Variants in TTC28 observed in about 807,000 individuals in gnomAD.
TTC28 encodes tetratricopeptide repeat domain 28.
A neutral mutation model predicts 198.0 loss-of-function variants in TTC28; 61 were observed. The ratio of observed to expected loss-of-function variants is 0.31; its 90% CI spans 0.25 to 0.38. TTC28 has a LOEUF of 0.38. TTC28 is among the 10% of genes least tolerant of loss of function. The pLI is 1.00. For missense variants in TTC28, 2,678 were observed against 3,164.0 expected (o/e 0.85, Z 3.69); for synonymous variants, 1,171 against 1,297.8 (o/e 0.90, Z 2.10).
chr22:28,343,455 G>A (rs188513116), intron 2 of TTC28, among the ~76,000 whole-genome samples: 75 of 151,980 alleles, frequency 4.9e-4, no homozygotes, highest in African/African-American at 1.4e-3. Flanking sequence ...ACTTGAACCC[G>A]GGAGGTGGAG....
chr22:28,349,446 C>A (rs134504), intron 2 of TTC28, among the ~76,000 whole-genome samples: 149,099 of 152,342 alleles, frequency 0.98, 72,959 homozygotes, highest in East Asian at 0.99. Flanking sequence ...TCCATTACCA[C>A]GACTGAACAA....
chr22:28,590,973 T>A (rs1205088922), intron 2 of TTC28, among the ~76,000 whole-genome samples: 1 of 137,004 alleles, frequency 7.3e-6, no homozygotes, highest in Non-Finnish European at 1.5e-5. Flanking sequence ...ACCACTGCAC[T>A]TCAGCCTGGG....
At chr22:28,669,487 G>A (rs1035736625) in intron 1 of TTC28, among the ~76,000 whole-genome samples, 19 of 151,948 alleles carry the variant, frequency 1.3e-4, no homozygotes, top group African/African-American at 2.2e-4. Flanking sequence ...CTAAGTACCC[G>A]GCCTTATTAA....
At chr22:27,992,487 C>G in intron 19 of TTC28, 100 bp downstream of exon 19, 1 of 1,204,408 alleles carries the variant, frequency 8.3e-7, no homozygotes, top group Non-Finnish European at 1.2e-6. Flanking sequence ...GGCGGTGAGA[C>G]TGCATTCACT....
chr22:28,347,893 C>T (rs2045933246), intron 2 of TTC28, among the ~76,000 whole-genome samples: 1 of 152,232 alleles, frequency 6.6e-6, no homozygotes, highest in African/African-American at 2.4e-5. Context: ...AGAACAGCAC[C>T]TACGCTGTCT....
At chr22:28,181,166 A>G (rs1239993264) in intron 5 of TTC28, among the ~76,000 whole-genome samples, 1 of 152,236 alleles carries the variant, frequency 6.6e-6, no homozygotes, top group East Asian at 1.9e-4. Context: ...TCAAAATTAT[A>G]TTAGGGTTGG....
intron 8 of TTC28, among the ~76,000 whole-genome samples, chr22:28,103,960 A>G (rs1009592120): frequency 2.0e-5 from 3 of 152,234 alleles, no homozygotes; most frequent in Non-Finnish European, 4.4e-5. Context: ...CATTTAATGC[A>G]TAGAGGCAGA....
At chr22:28,192,467 G>T (rs954862850) in intron 5 of TTC28, among the ~76,000 whole-genome samples, 6 of 152,132 alleles carry the variant, frequency 3.9e-5, no homozygotes, top group African/African-American at 1.2e-4. Flanking sequence ...GAGAGAAGAA[G>T]TTTTCACACG....
chr22:28,595,729 T>C (rs1353873409), intron 2 of TTC28, among the ~76,000 whole-genome samples: 1 of 152,148 alleles, frequency 6.6e-6, no homozygotes, highest in Admixed American at 6.5e-5. Context: ...ATCCAGACCA[T>C]CCTGGCCAAC....
At chr22:28,204,516 G>T (rs979617184) in intron 5 of TTC28, among the ~76,000 whole-genome samples, 1 of 152,016 alleles carries the variant, frequency 6.6e-6, no homozygotes, top group Non-Finnish European at 1.5e-5. Flanking sequence ...TTCAAATCCA[G>T]CTCCATCTAA....
At chr22:28,528,375 T>C (rs1439979013) in intron 2 of TTC28, among the ~76,000 whole-genome samples, 2 of 152,028 alleles carry the variant, frequency 1.3e-5, no homozygotes, top group Non-Finnish European at 2.9e-5. Flanking sequence ...TACTTCTCAG[T>C]AGATCGTTAA....
Position 28,030,286 on chromosome 22 carries a change from T to G in TTC28, c.4013A>C (p.Asn1338Thr). The change falls in exon 13 of 23, where the codon AAC becomes ACC. Residue 1338 changes from asparagine (N) to threonine (T), a missense_variant. Physicochemically the swap from Asn to Thr is moderately conservative, Grantham distance 65. Coordinates refer to ENST00000397906, the MANE Select transcript of TTC28 (RefSeq NM_001145418.2). ...AAAGCCAGTGGGGTCAGTGACCGAG[T>G]TGAGTTTGTTGTTCATCTCTTCAAA... ...QQFEEMNNKL[N>T]SVTDPTGFLR... The G allele has an allele frequency of 6.4e-7, 1 of 1,551,670 alleles. No homozygotes were observed. The highest frequency in any genetic ancestry group is 8.7e-7 in the Non-Finnish European group (1 of 1,146,980).
intron 5 of TTC28, among the ~76,000 whole-genome samples, chr22:28,193,016 A>C (rs944939426): frequency 6.6e-6 from 1 of 152,234 alleles, no homozygotes; most frequent in Non-Finnish European, 1.5e-5. Context: ...AAACGAAGGA[A>C]AAAATGCTAA....
chr22:28,100,262 T>C (rs925636489), intron 9 of TTC28, among the ~76,000 whole-genome samples: 1 of 152,234 alleles, frequency 6.6e-6, no homozygotes, highest in African/African-American at 2.4e-5. Flanking sequence ...AATGTGTTCC[T>C]AACTCTGCCA....
At chr22:28,543,812 T>C (rs1289873421) in intron 2 of TTC28, among the ~76,000 whole-genome samples, 4 of 152,330 alleles carry the variant, frequency 2.6e-5, no homozygotes, top group South Asian at 4.1e-4. Flanking sequence ...CAAACCAGTA[T>C]CTTTAATGAA....
chr22:28,648,618 G>C (rs2051515956), intron 1 of TTC28, among the ~76,000 whole-genome samples: 1 of 152,192 alleles, frequency 6.6e-6, no homozygotes. Flanking sequence ...AGGGAAAAAA[G>C]AAAATGTGGG....
chr22:27,982,745 G>T lies in TTC28; in HGVS notation c.6922C>A (p.Pro2308Thr). 1.9e-6 allele frequency: 3 copies of T among 1,551,402 alleles called. No individual in the cohort carries two copies. The highest frequency in any genetic ancestry group is 1.7e-6 in the Non-Finnish European group (2 of 1,146,826). The change falls in exon 23 of 23, where the codon CCA becomes ACA. Residue 2308 changes from proline (P) to threonine (T), a missense_variant. By Grantham distance (38) the Pro-to-Thr change is conservative. Coordinates refer to ENST00000397906, the MANE Select transcript of TTC28 (RefSeq NM_001145418.2). This position sits in a 1 kb window ranked among gnomAD's most constrained non-coding sequence, Gnocchi z 5.2. Reference sequence around the variant, plus strand: ...GCAGGAGACTGGTGGCCGGAGCTTGGGGACATGTTCCTTGGTGATTTGGAA... The same window carrying T: ...GCAGGAGACTGGTGGCCGGAGCTTGTGGACATGTTCCTTGGTGATTTGGAA... ...HISKSPRNMS[P>T]SSGHQSPAGS...
At chr22:28,335,858 A>G (rs558457550) in intron 2 of TTC28, among the ~76,000 whole-genome samples, 1 of 152,224 alleles carries the variant, frequency 6.6e-6, no homozygotes, top group Non-Finnish European at 1.5e-5. Flanking sequence ...TGCCCTGGCC[A>G]GAACTTCCAA....
chr22:27,983,535 C>T lies in TTC28; in HGVS notation c.6132G>A (p.Gln2044=). The change falls in exon 23 of 23, where the codon CAG becomes CAA. Residue 2044 remains glutamine, a synonymous_variant. Transcript: ENST00000397906. ...STLPRSQLPP[Q]TRPAGNKDEE... ...CATCTTTGTTGCCTGCAGGGCGGGT[C>T]TGGGGAGGCAGCTGGCTCCTAGGCA... is the stretch of plus-strand genomic sequence containing the variant. 1 of 1,551,316 alleles carries T rather than the reference C, an allele frequency of 6.4e-7. No individual in the cohort carries two copies. Among genetic ancestry groups the T allele is most frequent in the Non-Finnish European group, 8.7e-7 (1 of 1,146,908 alleles).
Sources: gnomAD v4.1 joint callset for allele counts (sites outside exome capture counted in the v4.1 genomes callset) on GRCh38, gnomAD v4.1.1 for gene constraint, Gnocchi (gnomAD v3.1) non-coding constraint, MANE v1.5 for transcripts, NCBI Gene and HGNC (gene_info 2026-07-23, HGNC 2026-07-21) for gene names.